PRELID2: variants seen among roughly 807,000 people sequenced by gnomAD.
PRELID2 encodes PRELI domain containing 2.
In PRELID2, 25 loss-of-function variants were observed where a neutral mutation model predicts 28.4. That is an observed-to-expected ratio of 0.88 (90% confidence interval 0.64 to 1.23). The LOEUF is 1.23. Ranked by LOEUF, PRELID2 falls within the 50% of genes most tolerant of loss-of-function variation. The pLI, the probability that PRELID2 is intolerant of heterozygous loss-of-function variation, is 0.00. For missense variants in PRELID2, 201 were observed against 214.4 expected (o/e 0.94, Z 0.39); for synonymous variants, 76 against 71.6 (o/e 1.06, Z -0.31).
At chr5:145,299,894 G>T in the PRELID2 span, among the ~76,000 whole-genome samples, 1 of 152,122 alleles carries the variant, frequency 6.6e-6, no homozygotes, top group East Asian at 1.9e-4. Context: ...ATTTGTATGG[G>T]AAAGACAGGA....
the PRELID2 span, among the ~76,000 whole-genome samples, chr5:145,398,741 T>C: frequency 1.3e-5 from 2 of 151,596 alleles, no homozygotes; most frequent in African/African-American, 2.4e-5. Context: ...AGTAAAAGAG[T>C]AAACGAGGAC....
chr5:145,378,000 C>T, the PRELID2 span, among the ~76,000 whole-genome samples: 1 of 152,064 alleles, frequency 6.6e-6, no homozygotes, highest in African/African-American at 2.4e-5. Context: ...TAACAAATTC[C>T]CTCTGCATTT....
intron 1 of PRELID2, among the ~76,000 whole-genome samples, chr5:145,832,524 C>T (rs972677370): frequency 1.1e-4 from 16 of 152,164 alleles, no homozygotes; most frequent in African/African-American, 3.9e-4. Flanking sequence ...CCTCAATAAT[C>T]GTTGAAGTGC....
intron 1 of PRELID2, among the ~76,000 whole-genome samples, chr5:145,739,492 G>A (rs567430882): frequency 3.9e-5 from 6 of 152,200 alleles, no homozygotes; most frequent in South Asian, 2.1e-4. Flanking sequence ...GCAACAGTGC[G>A]AGACTCCACC....
chr5:145,596,161 C>A, intron 1 of PRELID2, among the ~76,000 whole-genome samples: 2 of 138,810 alleles, frequency 1.4e-5, no homozygotes, highest in African/African-American at 2.8e-5. Context: ...AGAAAAAGAG[C>A]AAAAAATGAA....
intron 1 of PRELID2, among the ~76,000 whole-genome samples, chr5:145,601,501 T>C (rs186697467): frequency 7.2e-5 from 11 of 152,328 alleles, no homozygotes; most frequent in East Asian, 1.9e-4. Context: ...CATCTGTTAA[T>C]GGGGAGCTAG....
At chr5:145,437,343 A>G in the PRELID2 span, 1 of 152,194 alleles carries the variant, frequency 6.6e-6, no homozygotes, top group Non-Finnish European at 1.5e-5. Context: ...TAATCCTGTT[A>G]TTGCTCCAAT....
chr5:145,828,871 C>T (rs978412914), intron 1 of PRELID2, among the ~76,000 whole-genome samples: 1 of 111,592 alleles, frequency 9.0e-6, no homozygotes, highest in Non-Finnish European at 1.7e-5. Flanking sequence ...CTGGGTCTCA[C>T]TTTGTCATCC....
chr5:145,322,021 G>T, the PRELID2 span, among the ~76,000 whole-genome samples: 1 of 152,078 alleles, frequency 6.6e-6, no homozygotes, highest in Non-Finnish European at 1.5e-5. Flanking sequence ...TTTATGGTCT[G>T]GAGTCTGCTG....
At chr5:145,306,101 T>C in the PRELID2 span, among the ~76,000 whole-genome samples, 3 of 152,336 alleles carry the variant, frequency 2.0e-5, no homozygotes, top group Admixed American at 2.0e-4. Flanking sequence ...ACCTATTTTA[T>C]GTACTGGAAG....
At chr5:145,241,705 G>C in the PRELID2 span, among the ~76,000 whole-genome samples, 3 of 151,796 alleles carry the variant, frequency 2.0e-5, no homozygotes, top group African/African-American at 7.3e-5. Context: ...CCACATCTTT[G>C]TTTCTTTATA....
intron 1 of PRELID2, among the ~76,000 whole-genome samples, chr5:145,730,748 C>T (rs1020526643): frequency 6.6e-6 from 1 of 152,308 alleles, no homozygotes; most frequent in African/African-American, 2.4e-5. Flanking sequence ...GTCGGCATGA[C>T]CATAAACCAC....
chr5:145,832,760 G>A (rs760844389), intron 1 of PRELID2, among the ~76,000 whole-genome samples: 5 of 151,656 alleles, frequency 3.3e-5, no homozygotes, highest in African/African-American at 9.7e-5. Context: ...ACACATGAGC[G>A]CACATACACA....
the PRELID2 span, among the ~76,000 whole-genome samples, chr5:145,242,128 TAGA>T: frequency 1.3e-5 from 2 of 151,986 alleles, no homozygotes; most frequent in Non-Finnish European, 1.5e-5. Flanking sequence ...AAGGGAAAAG[TAGA>T]AGGATACCAA....
chr5:145,597,264 G>C (rs921724399), intron 1 of PRELID2, among the ~76,000 whole-genome samples: 5 of 152,066 alleles, frequency 3.3e-5, no homozygotes, highest in Admixed American at 6.6e-5. Context: ...GTACTATTTA[G>C]TGCCCGAATA....
intron 1 of PRELID2, among the ~76,000 whole-genome samples, chr5:145,570,299 C>T (rs567578843): frequency 6.6e-6 from 1 of 152,152 alleles, no homozygotes; most frequent in Non-Finnish European, 1.5e-5. Flanking sequence ...AACAGAGGTA[C>T]TCACATCAGA....
At position 145,789,789 on chromosome 5, in the gene PRELID2, C is replaced by T. The variant is rs12717944; in HGVS notation, c.474+6653G>A. Among the ~76,000 whole-genome samples the T allele has an allele frequency of 8.8e-3, 1,345 of 152,158 alleles. 24 individuals are homozygous for T. The highest frequency in any genetic ancestry group is 0.031 in the African/African-American group (1,284 of 41,536). On this transcript the variant is annotated intron_variant, in intron 5 of 6. Coordinates refer to ENST00000683046, the MANE Select transcript of PRELID2 (RefSeq NM_205846.3). ...AAATATACAAGGGATTCAAACAACT[C>T]AATTGCAAGAAAACAAATAACCCAA... is the stretch of plus-strand genomic sequence containing the variant.
chr5:145,408,132 GA>G, the PRELID2 span, among the ~76,000 whole-genome samples: 5 of 150,704 alleles, frequency 3.3e-5, no homozygotes, highest in East Asian at 1.9e-4. Context: ...CCCCATGGCA[GA>G]AAAAAAAATC....
the PRELID2 span, among the ~76,000 whole-genome samples, chr5:145,325,773 G>T: frequency 1.3e-5 from 2 of 151,922 alleles, no homozygotes; most frequent in Non-Finnish European, 2.9e-5. Context: ...GGTTTTTCTT[G>T]TCTTTTTTCT....
Sources: allele counts gnomAD v4.1 joint callset (sites outside exome capture counted in the v4.1 genomes callset), GRCh38; gene constraint gnomAD v4.1.1; transcripts MANE v1.5; gene names NCBI Gene and HGNC (gene_info 2026-07-23, HGNC 2026-07-21).